The following MCTP1 variants were observed in gnomAD, a reference collection of about 807,000 sequenced individuals.
MCTP1 encodes the protein multiple C2 and transmembrane domain-containing protein 1.
A neutral mutation model predicts 120.6 loss-of-function variants in MCTP1; 69 were observed. The observed-to-expected ratio is 0.57, with a 90% CI of 0.47 to 0.70. MCTP1 has a LOEUF of 0.70. MCTP1 is among the 30% of genes least tolerant of loss of function. The pLI is 0.00. For synonymous variants in MCTP1, 529 were observed against 493.1 expected (o/e 1.07, Z -0.96); for missense variants, 1,203 against 1,248.8 (o/e 0.96, Z 0.55).
chr5:94,750,843 A>T (rs1311592457), intron 19 of MCTP1, among the ~76,000 whole-genome samples: 1 of 152,236 alleles, frequency 6.6e-6, no homozygotes, highest in Non-Finnish European at 1.5e-5. Flanking sequence ...ATATGGCAAA[A>T]GGGGATTAAG....
chr5:95,041,536 C>T (rs1302672660), intron 1 of MCTP1, among the ~76,000 whole-genome samples: 1 of 152,038 alleles, frequency 6.6e-6, no homozygotes, highest in Non-Finnish European at 1.5e-5. Context: ...GAGAAAGATA[C>T]ATTTCCCTGT....
At chr5:94,971,994 C>G (rs1295600118) in intron 2 of MCTP1, among the ~76,000 whole-genome samples, 1 of 152,246 alleles carries the variant, frequency 6.6e-6, no homozygotes, top group Non-Finnish European at 1.5e-5. Flanking sequence ...GGTAAAACAT[C>G]TCTTGAAATG....
chr5:95,202,033 A>G (rs977673638), intron 1 of MCTP1, among the ~76,000 whole-genome samples: 5 of 152,126 alleles, frequency 3.3e-5, no homozygotes, highest in Non-Finnish European at 4.4e-5. Context: ...AGAACTGGTG[A>G]AGCATTGTTT....
chr5:94,720,673 ATAT>A (rs1760695745), intron 19 of MCTP1, among the ~76,000 whole-genome samples: 1 of 152,214 alleles, frequency 6.6e-6, no homozygotes, highest in South Asian at 2.1e-4. Context: ...CCTTCCTGTA[ATAT>A]TCAAATTGTT....
chr5:94,797,284 T>C (rs1182625901), intron 18 of MCTP1, among the ~76,000 whole-genome samples: 40 of 152,132 alleles, frequency 2.6e-4, no homozygotes, highest in Non-Finnish European at 5.9e-5. Context: ...ATATTGAAGA[T>C]AAGCCCCCCC....
intron 1 of MCTP1, among the ~76,000 whole-genome samples, chr5:95,117,988 G>T (rs1176282876): frequency 1.3e-5 from 2 of 152,162 alleles, no homozygotes; most frequent in African/African-American, 4.8e-5. Context: ...ACAGGGAGAA[G>T]AAAGGGGAAC....
chr5:95,173,257 A>G (rs778293920), intron 1 of MCTP1, among the ~76,000 whole-genome samples: 11 of 152,218 alleles, frequency 7.2e-5, no homozygotes, highest in Non-Finnish European at 1.3e-4. Flanking sequence ...AGGCAGCAGG[A>G]GAATAACTGA....
intron 19 of MCTP1, among the ~76,000 whole-genome samples, chr5:94,765,065 A>C (rs2152868063): frequency 6.6e-6 from 1 of 152,282 alleles, no homozygotes; most frequent in South Asian, 2.1e-4. Flanking sequence ...GCCCCAGTGA[A>C]ATAAAACTAG....
chr5:95,109,185 AC>A (rs1172856041), intron 1 of MCTP1, among the ~76,000 whole-genome samples: 1 of 152,120 alleles, frequency 6.6e-6, no homozygotes, highest in African/African-American at 2.4e-5. Context: ...TTCAACACAG[AC>A]TTGACCATTT....
intron 12 of MCTP1, among the ~76,000 whole-genome samples, chr5:94,885,063 TTC>T (rs1457982077): frequency 6.6e-6 from 1 of 152,012 alleles, no homozygotes; most frequent in Non-Finnish European, 1.5e-5. Flanking sequence ...AATTGTAAAA[TTC>T]TCTCTCTCTC....
At chr5:94,895,544 A>G (rs1369063266) in intron 10 of MCTP1, among the ~76,000 whole-genome samples, 1 of 152,232 alleles carries the variant, frequency 6.6e-6, no homozygotes, top group Non-Finnish European at 1.5e-5. Context: ...GGTGACCACA[A>G]GGCTAATAAA....
chr5:94,881,566 T>C (rs922028836), intron 12 of MCTP1, among the ~76,000 whole-genome samples: 7 of 152,090 alleles, frequency 4.6e-5, no homozygotes, highest in African/African-American at 1.7e-4. Flanking sequence ...TGTGGAAAGA[T>C]CTAGATCAGC....
At chr5:95,065,026 A>C (rs952376438) in intron 1 of MCTP1, among the ~76,000 whole-genome samples, 3 of 152,164 alleles carry the variant, frequency 2.0e-5, no homozygotes, top group Non-Finnish European at 2.9e-5. Context: ...CATTTTGTAC[A>C]AAAAAAGATA....
intron 19 of MCTP1, among the ~76,000 whole-genome samples, chr5:94,730,314 T>C (rs1762889159): frequency 1.3e-5 from 2 of 152,166 alleles, no homozygotes; most frequent in African/African-American, 4.8e-5. Context: ...CACATGATAC[T>C]ACACTCAGCT....
intron 1 of MCTP1, among the ~76,000 whole-genome samples, chr5:95,258,813 G>T (rs1289946677): frequency 1.3e-5 from 2 of 152,144 alleles, no homozygotes; most frequent in African/African-American, 4.8e-5. Flanking sequence ...TAACCCCTGA[G>T]GAAATCTCTG....
At chr5:95,102,276 A>C (rs773448544) in intron 1 of MCTP1, among the ~76,000 whole-genome samples, 69 of 152,302 alleles carry the variant, frequency 4.5e-4, no homozygotes, top group South Asian at 1.0e-3. Flanking sequence ...AATCAGGACA[A>C]GCAGCTGAGG....
At chr5:94,954,197 T>TATATGCATATATATACATAC (rs1821968583) in intron 2 of MCTP1, among the ~76,000 whole-genome samples, 1 of 135,438 alleles carries the variant, frequency 7.4e-6, no homozygotes, top group Non-Finnish European at 1.6e-5. Flanking sequence ...TATATATATA[T>TATATGCATATATATACATAC]ATATATATGC....
Position 95,133,829 on chromosome 5 carries a change from C to T in MCTP1, c.721-116345G>A, listed in dbSNP as rs143944238. Among the ~76,000 whole-genome samples the T allele has an allele frequency of 1.6e-4, 25 of 152,260 alleles. No homozygotes were observed. In the East Asian group the frequency reaches 4.6e-3, roughly 28 times the overall value. On this transcript the variant is annotated intron_variant, in intron 1 of 22. Coordinates refer to ENST00000515393, the MANE Select transcript of MCTP1 (RefSeq NM_024717.7). The stretch of plus-strand genomic sequence containing the variant: ...AAGCAGGGACCACTCTCATAAAAAA[C>T]CTATTGTCTGCAATTAAGGTCCATG...
chr5:94,808,932 T>C lies in MCTP1; in HGVS notation c.2437-9800A>G, dbSNP rs182080996. On this transcript the variant is annotated intron_variant, in intron 17 of 22. Coordinates refer to ENST00000515393, the MANE Select transcript of MCTP1 (RefSeq NM_024717.7). ...TCCAATTCTTTATATTGTGAAAATG[T>C]ATGCTGGGTTTTTGAAGTTGCTATC... Among the ~76,000 whole-genome samples, 25 of 152,298 alleles carry C rather than the reference T, an allele frequency of 1.6e-4. No individual in the cohort carries two copies. The East Asian group carries it at 4.6e-3, about 28-fold the overall frequency.
Sources: allele counts gnomAD v4.1 joint callset (sites outside exome capture counted in the v4.1 genomes callset), GRCh38; gene constraint gnomAD v4.1.1; transcripts MANE v1.5; gene names NCBI Gene and HGNC (gene_info 2026-07-23, HGNC 2026-07-21).